MARK1: variants seen among roughly 807,000 people sequenced by gnomAD.
The protein encoded by MARK1 is serine/threonine-protein kinase MARK1.
MARK1 carries 40 observed loss-of-function variants against 96.3 expected under a neutral mutation model. The observed-to-expected ratio is 0.42, with a 90% CI of 0.32 to 0.54. The LOEUF (loss-of-function observed/expected upper bound fraction) is 0.54. MARK1 is among the 20% of genes least tolerant of loss of function. The pLI is 0.16. For synonymous variants in MARK1, 317 were observed against 341.2 expected, an observed-to-expected ratio of 0.93 and a Z score of 0.78; for missense variants, 719 against 984.6, an observed-to-expected ratio of 0.73 and a Z score of 3.61.
At position 220,573,128 on chromosome 1, in the gene MARK1, A is replaced by ATTTG. The variant is rs370445682; in HGVS notation, c.52-6202_52-6199dup. 6.4e-4 allele frequency among the ~76,000 whole-genome samples: 97 copies of ATTTG among 150,944 alleles called. 1 individual carries two copies. The highest frequency in any genetic ancestry group is 1.6e-3 in the East Asian group (8 of 5,100). On this transcript the variant is annotated intron_variant, in intron 1 of 17. Coordinates refer to ENST00000366917, the MANE Select transcript of MARK1 (RefSeq NM_018650.5). ...GTGATCTTCTACACTGGGTTTTTTT[A>ATTTG]TTTGTTTGTTTGTTTGTTTGTTTGT...
chr1:220,640,139 T>C (rs1480528251), intron 13 of MARK1, among the ~76,000 whole-genome samples: 1 of 152,226 alleles, frequency 6.6e-6, no homozygotes, highest in Non-Finnish European at 1.5e-5. Flanking sequence ...GTGTAAAATA[T>C]TGCCTGAACA....
intron 1 of MARK1, among the ~76,000 whole-genome samples, chr1:220,538,807 G>C (rs1357578395): frequency 6.6e-6 from 1 of 151,776 alleles, no homozygotes; most frequent in Non-Finnish European, 1.5e-5. Context: ...TGGATTCCTA[G>C]GTATTTTATT....
intron 6 of MARK1, among the ~76,000 whole-genome samples, chr1:220,614,699 A>G (rs1666642850): frequency 6.6e-6 from 1 of 152,090 alleles, no homozygotes; most frequent in Non-Finnish European, 1.5e-5. Flanking sequence ...GTATTTGCCT[A>G]GCAACCATCA....
At chr1:220,609,898 A>C (rs1666329936) in intron 6 of MARK1, among the ~76,000 whole-genome samples, 2 of 152,152 alleles carry the variant, frequency 1.3e-5, no homozygotes, top group Non-Finnish European at 2.9e-5. Context: ...TCTAGCTTGT[A>C]AGGTTTGTGC....
intron 3 of MARK1, among the ~76,000 whole-genome samples, chr1:220,585,448 G>T (rs1016463019): frequency 6.6e-6 from 1 of 152,158 alleles, no homozygotes; most frequent in East Asian, 1.9e-4. Context: ...CATCAGATTT[G>T]CTGAGAAAAA....
intron 5 of MARK1, among the ~76,000 whole-genome samples, chr1:220,600,892 C>CTTT (rs11417176): frequency 2.8e-5 from 4 of 144,286 alleles, no homozygotes; most frequent in Non-Finnish European, 4.5e-5. Context: ...TTTTCTTTTT[C>CTTT]TTTTTTTTTT....
chr1:220,626,361 G>T, intron 9 of MARK1: 1 of 549,466 alleles, frequency 1.8e-6, no homozygotes, highest in South Asian at 1.4e-5. Context: ...CAGGAACTAG[G>T]GATCTACAGG....
intron 3 of MARK1, 111 bp from the exon 4 acceptor site, chr1:220,598,220 A>G: frequency 2.6e-6 from 1 of 386,268 alleles, no homozygotes; most frequent in Admixed American, 3.3e-5. Flanking sequence ...CATTGCCAGA[A>G]TCCTGTAGCA....
At chr1:220,614,036 C>T (rs1666602488) in intron 6 of MARK1, among the ~76,000 whole-genome samples, 1 of 152,064 alleles carries the variant, frequency 6.6e-6, no homozygotes, top group South Asian at 2.1e-4. Context: ...GAGACAGAGT[C>T]TCACTCTGTT....
At chr1:220,568,667 A>T (rs1176459885) in intron 1 of MARK1, among the ~76,000 whole-genome samples, 1 of 152,188 alleles carries the variant, frequency 6.6e-6, no homozygotes, top group Non-Finnish European at 1.5e-5. Context: ...TCCCTTTTCT[A>T]GAGGTAACTA....
chr1:220,649,242 G>C, intron 13 of MARK1, among the ~76,000 whole-genome samples: 1 of 149,836 alleles, frequency 6.7e-6, no homozygotes, highest in East Asian at 1.9e-4. Flanking sequence ...TTTTTTTTGG[G>C]GGACAGGATT....
At chr1:220,659,052 A>G (rs896734078) in intron 17 of MARK1, among the ~76,000 whole-genome samples, 4 of 152,146 alleles carry the variant, frequency 2.6e-5, no homozygotes, top group African/African-American at 9.7e-5. Flanking sequence ...GTGGCCCTTA[A>G]TAGTTGCATT....
At chr1:220,627,780 AG>A (rs1667435674) in intron 9 of MARK1, 2 of 158,384 alleles carry the variant, frequency 1.3e-5, no homozygotes, top group Admixed American at 1.3e-4. Flanking sequence ...AGCTTTGGAA[AG>A]GTACCCTTAT....
chr1:220,547,006 A>T (rs889677357), intron 1 of MARK1, among the ~76,000 whole-genome samples: 1 of 151,932 alleles, frequency 6.6e-6, no homozygotes, highest in African/African-American at 2.4e-5. Flanking sequence ...AAAAGAAAAG[A>T]AAAGCAACTA....
Position 220,602,232 on chromosome 1 carries a change from C to T in MARK1, c.425-1835C>T, listed in dbSNP as rs78909462. Among the ~76,000 whole-genome samples the T allele has an allele frequency of 9.5e-3, 1,442 of 152,018 alleles. 49 individuals are homozygous for T. The East Asian group carries it at 0.11, about 11-fold the overall frequency. ...TCAGTGATTAGAAAATCAAAGAAAT[C>T]TTTTTTTTATTTTGAACCATGTTTA... On this transcript the variant is annotated intron_variant, in intron 5 of 17. Transcript: ENST00000366917.
chr1:220,579,615 G>A (rs934163726), intron 2 of MARK1, 58 bp downstream of exon 2: 1 of 1,401,906 alleles, frequency 7.1e-7, no homozygotes, highest in African/African-American at 1.4e-5. Context: ...TCTTGTTAAA[G>A]CTTCCTTATA....
chr1:220,624,788 G>T (rs1475203214), intron 9 of MARK1, among the ~76,000 whole-genome samples: 1 of 151,996 alleles, frequency 6.6e-6, no homozygotes, highest in Non-Finnish European at 1.5e-5. Context: ...CCTTCTAATT[G>T]CTTATCTCTC....
intron 1 of MARK1, among the ~76,000 whole-genome samples, chr1:220,547,218 T>G (rs17584152): frequency 6.6e-6 from 1 of 152,168 alleles, no homozygotes; most frequent in African/African-American, 2.4e-5. Context: ...CTGGCCACTC[T>G]AGATTCTTTC....
chr1:220,645,392 T>C (rs1351223009), intron 13 of MARK1, among the ~76,000 whole-genome samples: 1 of 152,156 alleles, frequency 6.6e-6, no homozygotes, highest in Non-Finnish European at 1.5e-5. Context: ...AATAGACCAA[T>C]AACAAGTTCT....
Sources: allele counts gnomAD v4.1 joint callset (sites outside exome capture counted in the v4.1 genomes callset), GRCh38; gene constraint gnomAD v4.1.1; transcripts MANE v1.5; gene names NCBI Gene and HGNC (gene_info 2026-07-23, HGNC 2026-07-21).